EZH2: variants seen among roughly 807,000 people sequenced by gnomAD.
EZH2 encodes the protein histone-lysine N-methyltransferase EZH2.
Under a neutral mutation model 98.4 loss-of-function variants are expected in EZH2, and 18 were observed. That is an observed-to-expected ratio of 0.18 (90% CI 0.13 to 0.27). EZH2 has a LOEUF of 0.27. Ranked by LOEUF, EZH2 falls within the 10% of genes least tolerant of loss-of-function variation. The pLI is 1.00. For synonymous variants in EZH2, 338 were observed against 312.3 expected, an observed-to-expected ratio of 1.08 and a Z score of -0.87; for missense variants, 470 against 935.1, an observed-to-expected ratio of 0.50 and a Z score of 6.49.
At chr7:148,864,229 C>T (rs1818112002) in intron 1 of EZH2, among the ~76,000 whole-genome samples, 1 of 152,166 alleles carries the variant, frequency 6.6e-6, no homozygotes, top group African/African-American at 2.4e-5. Flanking sequence ...AAACTGAAGT[C>T]CATAGACCAG....
chr7:148,863,274 T>A (rs1466604918), intron 1 of EZH2, among the ~76,000 whole-genome samples: 3 of 152,028 alleles, frequency 2.0e-5, no homozygotes, highest in African/African-American at 7.3e-5. Flanking sequence ...ATTTCTAAAA[T>A]TTATAATGAA....
At chr7:148,813,902 T>C in intron 15 of EZH2, 57 bp downstream of exon 15, 1 of 1,542,608 alleles carries the variant, frequency 6.5e-7, no homozygotes, top group South Asian at 1.2e-5. Context: ...AATCCTGACA[T>C]TTGCATCACT....
intron 17 of EZH2, 58 bp downstream of exon 17, chr7:148,810,275 G>T: frequency 7.6e-7 from 1 of 1,317,834 alleles, no homozygotes; most frequent in South Asian, 1.2e-5. Context: ...ACACTCGGCC[G>T]GCAGAAGGCT....
chr7:148,879,096 G>A (rs1389884441), intron 1 of EZH2, among the ~76,000 whole-genome samples: 7 of 149,616 alleles, frequency 4.7e-5, no homozygotes, highest in South Asian at 2.1e-4. Context: ...GTGGTGGTGC[G>A]TTCCCGTAAT....
chr7:148,827,596 G>A (rs539456857), intron 6 of EZH2, among the ~76,000 whole-genome samples: 1 of 152,180 alleles, frequency 6.6e-6, no homozygotes, highest in Non-Finnish European at 1.5e-5. Flanking sequence ...AAATGAAGGA[G>A]CTGAACTAGA....
intron 1 of EZH2, among the ~76,000 whole-genome samples, chr7:148,881,001 G>GT (rs1820874095): frequency 6.6e-6 from 1 of 152,226 alleles, no homozygotes; most frequent in Admixed American, 6.5e-5. Context: ...AGAAGGTAAA[G>GT]TATGTATCAT....
chr7:148,869,617 C>A (rs138661937), intron 1 of EZH2, among the ~76,000 whole-genome samples: 2 of 152,142 alleles, frequency 1.3e-5, no homozygotes, highest in Non-Finnish European at 2.9e-5. Context: ...GGATTACTGG[C>A]GTGAGCCAAT....
chr7:148,862,443 T>C (rs778711897), intron 1 of EZH2, among the ~76,000 whole-genome samples: 1 of 152,236 alleles, frequency 6.6e-6, no homozygotes. Flanking sequence ...CCAAAAATTT[T>C]AATTTTTGCT....
chr7:148,856,749 G>A (rs1012631324), intron 1 of EZH2, among the ~76,000 whole-genome samples: 4 of 152,204 alleles, frequency 2.6e-5, no homozygotes, highest in African/African-American at 9.7e-5. Context: ...TTGAGCAGCA[G>A]AGTAAATCAT....
At position 148,828,758 on chromosome 7, in the gene EZH2, G is replaced by T; in HGVS notation, c.607C>A (p.Leu203Met). The T allele has an allele frequency of 6.2e-7, 1 of 1,613,416 alleles. No individual in the cohort carries two copies. The highest frequency in any genetic ancestry group is 1.1e-5 in the South Asian group (1 of 90,996). The change falls in exon 6 of 20, where the codon CTG becomes ATG. Residue 203 changes from leucine (L) to methionine (M), a missense_variant. Transcript: ENST00000320356. ...PEEREEKQKD[L>M]EDHRDDKESR... ...GGCATACCATCTCGGTGATCCTCCA[G>T]ATCTTTCTGCTTTTCTTCTCTTTCT...
chr7:148,816,831 C>T (rs1804694477), intron 11 of EZH2, 53 bp from the exon 12 acceptor site: 1 of 1,277,230 alleles, frequency 7.8e-7, no homozygotes, highest in Non-Finnish European at 1.1e-6. Flanking sequence ...TTAGGCAAAC[C>T]ATTCTTATAC....
rs905621124 is a variant in EZH2, at chr7:148,812,120, C to G, written c.1852-400G>C. Among the ~76,000 whole-genome samples, 3 of 152,176 alleles carry G rather than the reference C, an allele frequency of 2.0e-5. No individual in the cohort carries two copies. The South Asian group carries it at 6.2e-4, about 32-fold the overall frequency. On this transcript the variant is annotated intron_variant, in intron 15 of 19. Transcript: ENST00000320356. Reference sequence around the variant, plus strand: ...AATCACTCTTCCTCTCCATACCTTTCCCTCTACTTTCCCCAAGTGATTCTA... The same window carrying G: ...AATCACTCTTCCTCTCCATACCTTTGCCTCTACTTTCCCCAAGTGATTCTA...
Position 148,817,301 on chromosome 7 carries a change from A to G in EZH2, c.1331T>C (p.Met444Thr), listed in dbSNP as rs370444695. 1 of 1,614,094 alleles carries G rather than the reference A, an allele frequency of 6.2e-7. No homozygotes were observed. Among genetic ancestry groups the G allele is most frequent in the Non-Finnish European group, 8.5e-7 (1 of 1,180,004 alleles). Residue 444 changes from methionine to threonine, a missense_variant, in exon 11 of 20, where the codon ATG becomes ACG. Coordinates refer to ENST00000320356, the MANE Select transcript of EZH2 (RefSeq NM_004456.5). ...NVEWSGAEAS[M>T]FRVLIGTYYD... is the part of the protein sequence containing the mutation. ...GTAAGTGCCAATGAGGACTCTAAAC[A>G]TTGAGGCTTCAGCACCACTCCACTC... is the stretch of plus-strand genomic sequence containing the variant.
chr7:148,847,376 C>T (rs545904496), intron 1 of EZH2, 71 bp from the exon 2 acceptor site: 20 of 1,561,054 alleles, frequency 1.3e-5, no homozygotes, highest in Admixed American at 9.2e-5. Context: ...TGTTTTAATC[C>T]GCAGCAAACT....
At chr7:148,873,635 A>C (rs1356442294) in intron 1 of EZH2, among the ~76,000 whole-genome samples, 1 of 137,692 alleles carries the variant, frequency 7.3e-6, no homozygotes, top group Non-Finnish European at 1.5e-5. Context: ...CCAAGGATAT[A>C]CTTTAAAATT....
At chr7:148,880,416 C>T (rs1302594779) in intron 1 of EZH2, among the ~76,000 whole-genome samples, 2 of 152,148 alleles carry the variant, frequency 1.3e-5, no homozygotes, top group African/African-American at 4.8e-5. Context: ...AGATCTACTA[C>T]CCTCTCTCGC....
chr7:148,809,138 C>T lies in EZH2; in HGVS notation c.2128G>A (p.Asp710Asn). The T allele has an allele frequency of 6.2e-7, 1 of 1,614,176 alleles. No homozygotes were observed. The highest frequency in any genetic ancestry group is 8.5e-7 in the Non-Finnish European group (1 of 1,180,026). ...TTGGCAAAAATACCTATCCTGTGAT[C>T]ACCGTTAACCATCATAACTGCAAAG... ...CYAKVMMVNG[D>N]HRIGIFAKRA... The change falls in exon 19 of 20, where the codon GAT (aspartate) becomes AAT (asparagine). Residue 710 changes from aspartate (D) to asparagine (N), a missense_variant. Physicochemically the swap from Asp to Asn is conservative, Grantham distance 23 (BLOSUM62 1). Around this residue, in one of 6 missense-constraint regions of EZH2, gnomAD observed 106 missense variants for 327.2 expected, o/e 0.32. Coordinates refer to ENST00000320356, the MANE Select transcript of EZH2 (RefSeq NM_004456.5).
At chr7:148,879,800 C>T (rs979125060) in intron 1 of EZH2, among the ~76,000 whole-genome samples, 2 of 151,506 alleles carry the variant, frequency 1.3e-5, no homozygotes, top group African/African-American at 2.4e-5. Flanking sequence ...TTCGAGACTC[C>T]GTCTCAAAAA....
intron 4 of EZH2, among the ~76,000 whole-genome samples, chr7:148,832,432 T>C (rs1809643871): frequency 6.6e-6 from 1 of 152,126 alleles, no homozygotes; most frequent in East Asian, 1.9e-4. Context: ...CACTTTTCCT[T>C]TGGAGAGTAT....
Sources: gnomAD v4.1 joint callset for allele counts (sites outside exome capture counted in the v4.1 genomes callset) on GRCh38, gnomAD v4.1.1 for gene constraint, gnomAD v4.1.1 regional missense constraint, MANE v1.5 for transcripts, NCBI Gene and HGNC (gene_info 2026-07-23, HGNC 2026-07-21) for gene names.